CHL1: variants seen among roughly 807,000 people sequenced by gnomAD.
The protein encoded by CHL1 is neural cell adhesion molecule L1-like protein.
In CHL1, 96 loss-of-function variants were observed where a neutral mutation model predicts 141.9. The ratio of observed to expected loss-of-function variants is 0.68; its 90% CI spans 0.57 to 0.80. The LOEUF is 0.80. Ranked by LOEUF, CHL1 falls within the 30% of genes least tolerant of loss-of-function variation. CHL1 has a pLI of 0.00. For missense variants in CHL1, 1,820 were observed against 1,457.2 expected, an observed-to-expected ratio of 1.25 and a Z score of -4.05; for synonymous variants, 613 against 502.2, an observed-to-expected ratio of 1.22 and a Z score of -2.95.
intron 3 of CHL1, among the ~76,000 whole-genome samples, chr3:321,546 C>A (rs192484215): frequency 6.6e-6 from 1 of 152,016 alleles, no homozygotes; most frequent in Non-Finnish European, 1.5e-5. Context: ...AACGAAGATG[C>A]CACTGAGATT....
At position 405,777 on chromosome 3, in the gene CHL1, C is replaced by A; in HGVS notation, c.*66C>A. On this transcript the variant is annotated 3_prime_UTR_variant, in exon 28 of 28. Transcript: ENST00000256509. ...TTCCATATTTATCTGTTCAAAGGAG[C>A]AAGAACTTTCATATAGGAATAGAAA... The A allele has an allele frequency of 1.7e-6, 2 of 1,163,352 alleles. No individual in the cohort carries two copies. The highest frequency in any genetic ancestry group is 2.5e-6 in the Non-Finnish European group (2 of 789,548). 72.1% of individuals were successfully genotyped at this position (1,163,352 alleles called of 1,614,324 possible).
chr3:288,177 A>G (rs1697343581), intron 2 of CHL1, among the ~76,000 whole-genome samples: 1 of 152,216 alleles, frequency 6.6e-6, no homozygotes, highest in South Asian at 2.1e-4. Flanking sequence ...AAGTTTATAC[A>G]TTAAGTACAA....
intron 2 of CHL1, among the ~76,000 whole-genome samples, chr3:254,492 T>G (rs1693980931): frequency 6.6e-6 from 1 of 152,156 alleles, no homozygotes; most frequent in Admixed American, 6.5e-5. Flanking sequence ...AAGATAGGTT[T>G]TTTAGCTGGG....
intron 2 of CHL1, among the ~76,000 whole-genome samples, chr3:274,137 C>T (rs554326716): frequency 2.6e-5 from 4 of 152,298 alleles, no homozygotes; most frequent in South Asian, 4.1e-4. Flanking sequence ...ACTCATTTGT[C>T]GTGTTCACTA....
In CHL1 at chr3:327,721, G is replaced by A. The variant is rs75308202; in HGVS notation, c.198-446G>A. Among the ~76,000 whole-genome samples, 1,065 of 151,802 alleles carry A rather than the reference G, an allele frequency of 7.0e-3. 9 individuals are homozygous for A. Among genetic ancestry groups the A allele is most frequent in the African/African-American group, 0.024 (1,007 of 41,442 alleles). ...GTTGGCCAAATTATATATTCAGTGT[G>A]GTCTCAAATATGTGACAAAATTCTA... On this transcript the variant is annotated intron_variant, in intron 4 of 27. Transcript: ENST00000256509.
chr3:197,669 A>T, intron 1 of CHL1: 1 of 359,818 alleles, frequency 2.8e-6, no homozygotes, highest in Non-Finnish European at 5.5e-6. Context: ...TGGAGCGGGG[A>T]ATCCATGGAC....
chr3:275,157 G>C (rs1387339585), intron 2 of CHL1, among the ~76,000 whole-genome samples: 1 of 152,232 alleles, frequency 6.6e-6, no homozygotes, highest in Admixed American at 6.5e-5. Context: ...GCCCCTTAAA[G>C]GAATGGGTGA....
At chr3:318,737 C>T (rs1156266043) in intron 2 of CHL1, among the ~76,000 whole-genome samples, 2 of 150,916 alleles carry the variant, frequency 1.3e-5, no homozygotes, top group Non-Finnish European at 3.0e-5. Flanking sequence ...TATTTCTTTC[C>T]TCTATCTTGC....
At chr3:252,361 G>GAT (rs71058760) in intron 2 of CHL1, among the ~76,000 whole-genome samples, 8,211 of 53,802 alleles carry the variant, frequency 0.15, 696 homozygotes, top group East Asian at 0.19. Context: ...AAAGCATCCA[G>GAT]ATATATATAT....
intron 2 of CHL1, among the ~76,000 whole-genome samples, chr3:282,370 A>G (rs574163082): frequency 6.6e-6 from 1 of 152,292 alleles, no homozygotes; most frequent in South Asian, 2.1e-4. Flanking sequence ...TTGTCTTTTA[A>G]TCGGATAGAA....
intron 2 of CHL1, among the ~76,000 whole-genome samples, chr3:312,019 C>A (rs914198558): frequency 6.6e-6 from 1 of 152,052 alleles, no homozygotes; most frequent in African/African-American, 2.4e-5. Flanking sequence ...AAGAATCTTA[C>A]ATGTATAGGT....
chr3:369,920 A>ATTCC (rs1705407354), intron 15 of CHL1, among the ~76,000 whole-genome samples: 1 of 152,220 alleles, frequency 6.6e-6, no homozygotes, highest in Non-Finnish European at 1.5e-5. Flanking sequence ...GAATATGTTG[A>ATTCC]ATCAGCCTTG....
At chr3:290,245 A>C (rs1697562216) in intron 2 of CHL1, among the ~76,000 whole-genome samples, 1 of 152,208 alleles carries the variant, frequency 6.6e-6, no homozygotes, top group South Asian at 2.1e-4. Flanking sequence ...TGAAACATGA[A>C]GGCAGAGTTT....
chr3:397,944 AT>A (rs1414025604), intron 24 of CHL1, among the ~76,000 whole-genome samples: 1 of 152,122 alleles, frequency 6.6e-6, no homozygotes, highest in South Asian at 2.1e-4. Flanking sequence ...ATATTGTATA[AT>A]TTTTTTAAGT....
intron 16 of CHL1, among the ~76,000 whole-genome samples, chr3:378,216 C>T (rs1056719028): frequency 6.6e-5 from 10 of 152,084 alleles, no homozygotes; most frequent in East Asian, 1.9e-4. Context: ...AAATAAAGCA[C>T]GCTTGAGTTC....
rs535996907 is a variant in CHL1 at position 344,885 on chromosome 3, A to C, written c.848+176A>C. 3.9e-5 allele frequency among the ~76,000 whole-genome samples: 6 copies of C among 152,312 alleles called. No individual in the cohort carries two copies. The East Asian group carries it at 1.2e-3, about 29-fold the overall frequency. ...AGGACTGTTATTCCAGGTACTTAAGAGGCTGAAGCAGGAAGATTGCTTGAG... is the reference window on the plus strand; with the variant it reads ...AGGACTGTTATTCCAGGTACTTAAGCGGCTGAAGCAGGAAGATTGCTTGAG... On this transcript the variant is annotated intron_variant, in intron 9 of 27. Coordinates refer to ENST00000256509, the MANE Select transcript of CHL1 (RefSeq NM_006614.4).
chr3:312,175 A>G (rs1330864887), intron 2 of CHL1, among the ~76,000 whole-genome samples: 1 of 152,196 alleles, frequency 6.6e-6, no homozygotes, highest in African/African-American at 2.4e-5. Context: ...AGTTTATCCC[A>G]CATCATTATT....
Position 408,017 on chromosome 3 carries a change from C to G in CHL1, c.*2306C>G, listed in dbSNP as rs1709637657. The stretch of plus-strand genomic sequence containing the variant: ...ACTCTTCAGCACAAAAGGAATAGAT[C>G]TATGATTGACCCTGATTTTAATTGT... On this transcript the variant is annotated 3_prime_UTR_variant, in exon 28 of 28. Transcript: ENST00000256509. 1 of 152,032 alleles carries G rather than the reference C, an allele frequency of 6.6e-6. No individual in the cohort carries two copies. The highest frequency in any genetic ancestry group is 1.5e-5 in the Non-Finnish European group (1 of 68,004). The allele number at this position is 152,032 out of a possible 1,614,324, so 9.4% of individuals were successfully genotyped here. A position where few individuals can be genotyped will look rare whatever the true frequency, so the allele number is the denominator to read the frequency against.
intron 11 of CHL1, among the ~76,000 whole-genome samples, chr3:358,290 T>G (rs926380330): frequency 2.0e-5 from 3 of 152,114 alleles, no homozygotes; most frequent in Non-Finnish European, 4.4e-5. Context: ...CCAGCTACAC[T>G]GCATCTCTCT....
Sources: allele counts gnomAD v4.1 joint callset (sites outside exome capture counted in the v4.1 genomes callset), GRCh38; gene constraint gnomAD v4.1.1; transcripts MANE v1.5; gene names NCBI Gene and HGNC (gene_info 2026-07-23, HGNC 2026-07-21).